The following NONO variants were observed in gnomAD, a reference collection of about 807,000 sequenced individuals.
NONO encodes non-POU domain containing octamer binding.
NONO carries 6 observed loss-of-function variants against 40.2 expected under a neutral mutation model. The observed-to-expected ratio is 0.15, with a 90% confidence interval of 0.08 to 0.29. The LOEUF (loss-of-function observed/expected upper bound fraction) is 0.29, where lower values mean the gene tolerates loss of function less well. Among genes scored for constraint, NONO ranks in the 10% least tolerant of loss-of-function variants. The pLI, the probability that NONO is intolerant of heterozygous loss-of-function variation, is 1.00. For missense variants in NONO, 133 were observed against 397.8 expected (o/e 0.33, Z 5.66); for synonymous variants, 89 against 123.3 (o/e 0.72, Z 1.85).
chrX:71,298,907 G>A (rs1156956966), intron 11 of NONO, 91 bp downstream of exon 11: 1 of 646,202 alleles, frequency 1.5e-6, no homozygotes, highest in Non-Finnish European at 2.4e-6. Flanking sequence ...GCCTACCTCA[G>A]TTTGCTATAG....
chrX:71,296,167 C>G (rs190354684), intron 5 of NONO, among the ~76,000 whole-genome samples: 1,299 of 93,840 alleles, frequency 0.014, 21 homozygotes, highest in African/African-American at 0.051. Flanking sequence ...TTTTTTGAGA[C>G]AGTCTCACTC....
At chrX:71,290,102 G>A (rs1602385498) in intron 2 of NONO, among the ~76,000 whole-genome samples, 1 of 110,326 alleles carries the variant, frequency 9.1e-6, no homozygotes, top group East Asian at 2.9e-4. Flanking sequence ...GTAGAGATGG[G>A]GGTCTCACGG....
chrX:71,297,702 C>A, intron 8 of NONO, 134 bp from the exon 9 acceptor site: 1 of 532,804 alleles, frequency 1.9e-6, no homozygotes, highest in African/African-American at 2.3e-5. Flanking sequence ...TGCCTCAGGG[C>A]TGGGCACACT....
chrX:71,290,084 ATGT>A (rs962525800), intron 2 of NONO, among the ~76,000 whole-genome samples: 3 of 109,429 alleles, frequency 2.7e-5, no homozygotes, highest in Non-Finnish European at 3.8e-5. Context: ...TCATTTTTAA[ATGT>A]TGTTGTAGAG....
intron 5 of NONO, among the ~76,000 whole-genome samples, chrX:71,296,238 C>T (rs1327712877): frequency 1.9e-5 from 2 of 106,780 alleles, no homozygotes; most frequent in Non-Finnish European, 3.9e-5. Flanking sequence ...CTCTGTCTCC[C>T]GGGTCCAAGT....
At chrX:71,291,325 C>G (rs994972698) in intron 3 of NONO, among the ~76,000 whole-genome samples, 1 of 111,615 alleles carries the variant, frequency 9.0e-6, no homozygotes, top group Non-Finnish European at 1.9e-5. Context: ...TCTGTTGCCC[C>G]CAGCCTGAAA....
In NONO at chrX:71,294,328, T is replaced by G; in HGVS notation, c.450T>G (p.Leu150=). Residue 150 remains leucine (L), a synonymous_variant, in exon 5 of 12, where the codon CTT becomes CTG. Transcript: ENST00000276079. ...RVRFACHSAS[L]TVRNLPQYVS... ...GCTTTGCCTGCCATAGTGCATCCCT[T>G]ACAGTTCGAAACCTTCCTCAGTATG... 8.3e-7 allele frequency: 1 copy of G among 1,212,072 alleles called. No individual in the cohort carries two copies. Among genetic ancestry groups the G allele is most frequent in the East Asian group, 3.0e-5 (1 of 33,844 alleles).
chrX:71,290,597 A>AATTT, intron 2 of NONO, 32 bp from the exon 3 acceptor site: 1 of 1,154,077 alleles, frequency 8.7e-7, no homozygotes, highest in Non-Finnish European at 1.2e-6. Flanking sequence ...ATTAGTACTG[A>AATTT]ATTTATTTAT....
At chrX:71,298,434 G>T (rs1313828104) in intron 9 of NONO, 35 bp from the exon 10 acceptor site, 1 of 1,175,310 alleles carries the variant, frequency 8.5e-7, no homozygotes, top group African/African-American at 1.8e-5. Context: ...ATGCACTGCT[G>T]TCTTGGACTG....
chrX:71,290,553 C>A, intron 2 of NONO, 76 bp from the exon 3 acceptor site: 1 of 833,026 alleles, frequency 1.2e-6, no homozygotes. Flanking sequence ...TGATGAATTA[C>A]ATATAAGTCA....
Position 71,296,660 on chromosome X carries a change from A to G in NONO, c.746A>G (p.Lys249Arg). ...GTTATAAAAAACCAGCAATTTCACA[A>G]GTATGCAGTCTTGATAGATTTCCCT... ...KLVIKNQQFH[K>R]EREQPPRFAQ... is the part of the protein sequence containing the mutation. Residue 249 changes from lysine to arginine, a missense_variant and splice_region_variant, in exon 6 of 12, where the codon AAG (lysine) becomes AGG (arginine). Coordinates refer to ENST00000276079, the MANE Select transcript of NONO (RefSeq NM_007363.5). 1 of 1,168,721 alleles carries G rather than the reference A, an allele frequency of 8.6e-7. No individual in the cohort carries two copies. The highest frequency in any genetic ancestry group is 1.2e-6 in the Non-Finnish European group (1 of 862,390).
At position 71,297,054 on chromosome X, in the gene NONO, C is replaced by T; in HGVS notation, c.943+7C>T. 1 of 1,170,436 alleles carries T rather than the reference C, an allele frequency of 8.5e-7. No homozygotes were observed. The highest frequency in any genetic ancestry group is 1.1e-6 in the Non-Finnish European group (1 of 873,192). On this transcript the variant is annotated splice_region_variant and intron_variant, in intron 7 of 11. Coordinates refer to ENST00000276079, the MANE Select transcript of NONO (RefSeq NM_007363.5). Reference sequence around the variant, plus strand: ...GTCATGCTAATGAGACAGGGTGAGTCTAGGCCTGTAAGTCTTAAAGCTGAA... The same window carrying T: ...GTCATGCTAATGAGACAGGGTGAGTTTAGGCCTGTAAGTCTTAAAGCTGAA...
chrX:71,291,233 G>A (rs1295538762), intron 3 of NONO, among the ~76,000 whole-genome samples: 1 of 111,969 alleles, frequency 8.9e-6, no homozygotes, highest in African/African-American at 3.2e-5. Flanking sequence ...CCAATTGTGT[G>A]CCTCTAAGAC....
chrX:71,297,908 G>A lies in NONO; in HGVS notation c.1101G>A (p.Gln367=). Residue 367 remains glutamine, a synonymous_variant, in exon 9 of 12, where the codon CAG becomes CAA. Transcript: ENST00000276079. Reference sequence around the variant, plus strand: ...AAGAAGAAATGATGCGGCGACAGCAGGAAGGATTCAAGGGAACCTTCCCTG... The same window carrying A: ...AAGAAGAAATGATGCGGCGACAGCAAGAAGGATTCAAGGGAACCTTCCCTG... ...RQQEEMMRRQ[Q]EGFKGTFPDA... 1 of 1,205,923 alleles carries A rather than the reference G, an allele frequency of 8.3e-7. No individual in the cohort carries two copies. The highest frequency in any genetic ancestry group is 1.1e-6 in the Non-Finnish European group (1 of 890,260).
chrX:71,293,654 C>T (rs749381423), intron 4 of NONO, among the ~76,000 whole-genome samples: 1 of 109,214 alleles, frequency 9.2e-6, no homozygotes, highest in African/African-American at 3.3e-5. Context: ...TTTTTTGAGA[C>T]GGAGTTTTGC....
intron 2 of NONO, among the ~76,000 whole-genome samples, chrX:71,286,289 CCTT>C (rs1330879237): frequency 4.5e-5 from 5 of 111,425 alleles, no homozygotes; most frequent in South Asian, 3.7e-4. Flanking sequence ...CCATCTGCCT[CCTT>C]CTCCCTATCC....
chrX:71,297,182 A>G (rs1470475423), intron 7 of NONO, 135 bp downstream of exon 7: 1 of 684,630 alleles, frequency 1.5e-6, no homozygotes, highest in Non-Finnish European at 2.1e-6. Context: ...GTAGATAAAT[A>G]GGCTTGGAGA....
chrX:71,297,976 C>T, intron 9 of NONO, 38 bp downstream of exon 9: 2 of 906,252 alleles, frequency 2.2e-6, no homozygotes, highest in Non-Finnish European at 3.2e-6. Context: ...CCAGACCAGT[C>T]CTGATAAACT....
intron 2 of NONO, among the ~76,000 whole-genome samples, chrX:71,288,140 T>C (rs1569237786): frequency 1.0e-5 from 1 of 98,606 alleles, no homozygotes; most frequent in East Asian, 3.1e-4. Flanking sequence ...TTTTTTTTTT[T>C]CTTGAGACAG....
Sources: allele counts gnomAD v4.1 joint callset (sites outside exome capture counted in the v4.1 genomes callset), GRCh38; gene constraint gnomAD v4.1.1; transcripts MANE v1.5; gene names NCBI Gene and HGNC (gene_info 2026-07-23, HGNC 2026-07-21).